The following SPATA31H1 variants were observed in gnomAD, a reference collection of about 807,000 sequenced individuals.
The protein encoded by SPATA31H1 is spermatogenesis-associated protein 31H1.
At chr2:27,569,858 C>G in the SPATA31H1 span, 1 of 398,702 alleles carries the variant, frequency 2.5e-6, no homozygotes, top group Admixed American at 4.4e-5. Context: ...TGCCAAGTGT[C>G]AGATTTTCAA....
At chr2:27,539,101 C>CTTTTTT in the SPATA31H1 span, among the ~76,000 whole-genome samples, 68 of 94,450 alleles carry the variant, frequency 7.2e-4, no homozygotes, top group Non-Finnish European at 8.2e-4. Flanking sequence ...TCATCATTTT[C>CTTTTTT]TTTTTTTTTT....
At chr2:27,574,907 A>T in the SPATA31H1 span, 4 of 398,446 alleles carry the variant, frequency 1.0e-5, no homozygotes, top group Non-Finnish European at 1.8e-5. Flanking sequence ...AAGTGATCCC[A>T]GCGACAAAGC....
At chr2:27,573,220 C>T in the SPATA31H1 span, 2 of 398,344 alleles carry the variant, frequency 5.0e-6, no homozygotes, top group East Asian at 3.6e-5. Context: ...GTGAAAACTC[C>T]TAAGATGTCC....
the SPATA31H1 span, chr2:27,569,853 A>G: frequency 2.5e-6 from 1 of 398,894 alleles, no homozygotes. Flanking sequence ...ACAGTTGCCA[A>G]GTGTCAGATT....
At chr2:27,555,862 G>A in the SPATA31H1 span, among the ~76,000 whole-genome samples, 5 of 151,300 alleles carry the variant, frequency 3.3e-5, no homozygotes, top group Non-Finnish European at 4.4e-5. Context: ...GGCTGGGTGC[G>A]GTGGCTCACG....
At chr2:27,539,113 T>C in the SPATA31H1 span, among the ~76,000 whole-genome samples, 5 of 140,244 alleles carry the variant, frequency 3.6e-5, no homozygotes, top group African/African-American at 8.9e-5. Flanking sequence ...TTTTTTTTTT[T>C]TTTTTTTTTT....
At chr2:27,542,319 C>T in the SPATA31H1 span, among the ~76,000 whole-genome samples, 2 of 151,738 alleles carry the variant, frequency 1.3e-5, no homozygotes, top group African/African-American at 4.9e-5. Context: ...ATCGCTTGAA[C>T]CTGGGAGGCG....
the SPATA31H1 span, chr2:27,567,225 C>A: frequency 1.6e-6 from 1 of 620,852 alleles, no homozygotes; most frequent in East Asian, 2.7e-5. Context: ...CAAGGAGAGA[C>A]CACGACTTCC....
the SPATA31H1 span, chr2:27,576,279 T>C: frequency 2.3e-6 from 1 of 429,898 alleles, no homozygotes; most frequent in African/African-American, 2.0e-5. Context: ...AGATGTAAAA[T>C]GTGAACTGAC....
At chr2:27,580,261 T>C in the SPATA31H1 span, 1 of 1,614,088 alleles carries the variant, frequency 6.2e-7, no homozygotes, top group Non-Finnish European at 8.5e-7. Context: ...CCTGTACAAG[T>C]CTACATCAGG....
At chr2:27,547,789 A>C in the SPATA31H1 span, among the ~76,000 whole-genome samples, 1 of 151,920 alleles carries the variant, frequency 6.6e-6, no homozygotes, top group Non-Finnish European at 1.5e-5. Context: ...AATTGAAAAT[A>C]TATAGAAGTG....
At chr2:27,567,919 C>T in the SPATA31H1 span, 1 of 398,846 alleles carries the variant, frequency 2.5e-6, no homozygotes, top group Non-Finnish European at 4.4e-6. Context: ...GGTTTGTTCT[C>T]ACAGCTGCCA....
chr2:27,578,527 G>A, the SPATA31H1 span: 9 of 1,613,934 alleles, frequency 5.6e-6, no homozygotes, highest in African/African-American at 1.2e-4. Flanking sequence ...TTAACTCCAA[G>A]TCCATGTACT....
the SPATA31H1 span, chr2:27,582,358 C>T: frequency 6.2e-7 from 1 of 1,614,144 alleles, no homozygotes; most frequent in South Asian, 1.1e-5. Context: ...TGCAGTCCCT[C>T]TGAGAGGAGC....
the SPATA31H1 span, among the ~76,000 whole-genome samples, chr2:27,541,196 G>A: frequency 4.0e-5 from 6 of 151,670 alleles, no homozygotes; most frequent in Non-Finnish European, 8.8e-5. Context: ...AGACCAGCCC[G>A]GCCAACACAG....
the SPATA31H1 span, chr2:27,568,421 A>G: frequency 7.5e-6 from 3 of 398,982 alleles, no homozygotes; most frequent in Non-Finnish European, 1.3e-5. Flanking sequence ...AAGACACAAA[A>G]TCACTGGAAA....
At chr2:27,571,189 C>T in the SPATA31H1 span, 11 of 398,192 alleles carry the variant, frequency 2.8e-5, no homozygotes, top group East Asian at 3.2e-4. Flanking sequence ...AAATCTATGA[C>T]GTTAACCCCA....
chr2:27,545,011 T>G, the SPATA31H1 span, among the ~76,000 whole-genome samples: 2 of 136,582 alleles, frequency 1.5e-5, no homozygotes, highest in Non-Finnish European at 3.1e-5. Context: ...GCACATTGCA[T>G]TTCAAAAAGT....
At chr2:27,545,167 C>A in the SPATA31H1 span, among the ~76,000 whole-genome samples, 2 of 151,544 alleles carry the variant, frequency 1.3e-5, no homozygotes, top group African/African-American at 4.9e-5. Flanking sequence ...GGACTACAGG[C>A]ATGCACCACC....
Sources: allele counts gnomAD v4.1 joint callset (sites outside exome capture counted in the v4.1 genomes callset), GRCh38; gene constraint gnomAD v4.1.1; transcripts MANE v1.5; gene names NCBI Gene and HGNC (gene_info 2026-07-23, HGNC 2026-07-21).